Variants in MAPKAPK3 observed in about 807,000 individuals in gnomAD.
MAPKAPK3 encodes the protein MAP kinase-activated protein kinase 3.
A neutral mutation model predicts 49.2 loss-of-function variants in MAPKAPK3; 35 were observed. The observed-to-expected ratio is 0.71, with a 90% confidence interval of 0.54 to 0.94. The LOEUF (loss-of-function observed/expected upper bound fraction) is 0.94. Among genes scored for constraint, MAPKAPK3 ranks in the 40% least tolerant of loss-of-function variants. The pLI, the probability that MAPKAPK3 is intolerant of heterozygous loss-of-function variation, is 0.00. For missense variants in MAPKAPK3, 398 were observed against 493.1 expected, an observed-to-expected ratio of 0.81 and a Z score of 1.83; for synonymous variants, 178 against 188.7, an observed-to-expected ratio of 0.94 and a Z score of 0.46.
chr3:50,630,985 C>T (rs2032891117), intron 2 of MAPKAPK3, among the ~76,000 whole-genome samples: 1 of 152,212 alleles, frequency 6.6e-6, no homozygotes, highest in South Asian at 2.1e-4. Context: ...CCCTCAGCAC[C>T]TACCTGGGGC....
intron 2 of MAPKAPK3, among the ~76,000 whole-genome samples, chr3:50,624,492 C>T (rs185333752): frequency 1.3e-5 from 2 of 152,152 alleles, no homozygotes; most frequent in East Asian, 1.9e-4. Flanking sequence ...GAGGAAGAGG[C>T]GTTTGTGTAG....
chr3:50,614,720 G>T, upstream of MAPKAPK3, among the ~76,000 whole-genome samples: 1 of 152,126 alleles, frequency 6.6e-6, no homozygotes, highest in East Asian at 1.9e-4. Context: ...GTGGTTGCTG[G>T]AACATGAGCA....
At chr3:50,622,824 T>A (rs1433176845) in intron 2 of MAPKAPK3, among the ~76,000 whole-genome samples, 1 of 152,246 alleles carries the variant, frequency 6.6e-6, no homozygotes. Flanking sequence ...CCCTGCCTGC[T>A]GTCCAGGCTG....
intron 5 of MAPKAPK3, among the ~76,000 whole-genome samples, chr3:50,642,834 T>G (rs1304213957): frequency 4.6e-5 from 7 of 152,080 alleles, no homozygotes; most frequent in South Asian, 2.1e-4. Context: ...ATGCTGTTGG[T>G]TTTTTTTGTT....
rs947265432 is a variant in MAPKAPK3, at chr3:50,647,294, T to C, written c.996+91T>C. The C allele has an allele frequency of 2.2e-5, 24 of 1,067,496 alleles. No homozygotes were observed. The Admixed American group carries it at 5.0e-4, about 22-fold the overall frequency. The allele number at this position is 1,067,496 out of a possible 1,614,324, so 66.1% of individuals were successfully genotyped here. A position where few individuals can be genotyped will look rare whatever the true frequency, so the allele number is the denominator to read the frequency against. On this transcript the variant is annotated intron_variant, in intron 10 of 10. Transcript: ENST00000621469. ...GTGGCTACCCAGGGTCTGGGGTCTT[T>C]GGCCCCTTTCTATACCTGGAGCACA...
At chr3:50,628,315 G>A (rs1336851489) in intron 2 of MAPKAPK3, among the ~76,000 whole-genome samples, 1 of 152,164 alleles carries the variant, frequency 6.6e-6, no homozygotes, top group Non-Finnish European at 1.5e-5. Context: ...AGCTATGTGG[G>A]CATCACTGCC....
intron 4 of MAPKAPK3, 84 bp from the exon 5 acceptor site, chr3:50,642,169 T>C: frequency 2.2e-6 from 2 of 901,768 alleles, no homozygotes; most frequent in South Asian, 1.3e-5. Flanking sequence ...TGCTGGCCTG[T>C]TAGACTGTGT....
At chr3:50,620,771 C>T (rs1413931320) in intron 2 of MAPKAPK3, among the ~76,000 whole-genome samples, 3 of 152,228 alleles carry the variant, frequency 2.0e-5, no homozygotes, top group Non-Finnish European at 4.4e-5. Flanking sequence ...GTACCCCAAG[C>T]CCTCATTGCT....
At chr3:50,636,304 G>A (rs908588550) in intron 2 of MAPKAPK3, among the ~76,000 whole-genome samples, 4 of 152,198 alleles carry the variant, frequency 2.6e-5, no homozygotes, top group African/African-American at 9.7e-5. Flanking sequence ...CCCTCTCTGT[G>A]CCTCAATTTC....
chr3:50,611,570 G>A, upstream of MAPKAPK3: 1 of 1,525,876 alleles, frequency 6.6e-7, no homozygotes, highest in Non-Finnish European at 8.8e-7. Flanking sequence ...CTAGCACGAA[G>A]CCCCTGTTCT....
Position 50,648,125 on chromosome 3 carries a change from C to T in MAPKAPK3, c.*79C>T. 1 of 1,405,412 alleles carries T rather than the reference C, an allele frequency of 7.1e-7. No individual in the cohort carries two copies. The highest frequency in any genetic ancestry group is 9.7e-7 in the Non-Finnish European group (1 of 1,034,308). The allele number at this position is 1,405,412 out of a possible 1,614,324, so 87.1% of individuals were successfully genotyped here. ...GTGCTCAGGCCCTGGCCAGGAGGGC[C>T]CAGGGTCATTCTTTTAACAAAAGGA... On this transcript the variant is annotated 3_prime_UTR_variant, in exon 11 of 11. Transcript: ENST00000621469.
chr3:50,618,969 G>A (rs1456070986), intron 2 of MAPKAPK3, among the ~76,000 whole-genome samples: 6 of 152,170 alleles, frequency 3.9e-5, no homozygotes, highest in Admixed American at 2.6e-4. Context: ...GATTACAGGC[G>A]TGAGCCACCG....
At chr3:50,639,875 G>A (rs1232804365) in intron 2 of MAPKAPK3, among the ~76,000 whole-genome samples, 1 of 152,110 alleles carries the variant, frequency 6.6e-6, no homozygotes, top group African/African-American at 2.4e-5. Flanking sequence ...GAATCACAAG[G>A]GAGGCACCAA....
chr3:50,645,593 G>C, intron 6 of MAPKAPK3, 117 bp from the exon 7 acceptor site: 1 of 729,338 alleles, frequency 1.4e-6, no homozygotes, highest in Admixed American at 2.3e-5. Flanking sequence ...ACGCCAGTCT[G>C]CTCTGCCCTA....
rs2033191715 is a variant in MAPKAPK3 at position 50,642,256 on chromosome 3, C to A, written c.428C>A (p.Ala143Asp). ...CCCTCCTCCTCTGTTTCTGCAGAAG[C>A]TGCAGAGATAATGCGGGATATTGGC... ...RGDQAFTERE[A>D]AEIMRDIGTA... The change falls in exon 5 of 11, where the codon GCT (alanine) becomes GAT (aspartate). Residue 143 changes from alanine (A) to aspartate (D), a missense_variant. Around this residue, in one of 5 missense-constraint regions of MAPKAPK3, gnomAD observed 52 missense variants for 91.9 expected, o/e 0.57. Transcript: ENST00000621469. 6.2e-7 allele frequency: 1 copy of A among 1,611,664 alleles called. No individual in the cohort carries two copies. Among genetic ancestry groups the A allele is most frequent in the Non-Finnish European group, 8.5e-7 (1 of 1,178,108 alleles).
At chr3:50,611,534 C>T (rs2032325751), upstream of MAPKAPK3, 1 of 1,515,146 alleles carries the variant, frequency 6.6e-7, no homozygotes, top group Non-Finnish European at 8.8e-7. Context: ...ACCTCTGGCC[C>T]GTCAAGCCCT....
At chr3:50,614,476 G>A (rs184533584), upstream of MAPKAPK3, among the ~76,000 whole-genome samples, 3 of 149,452 alleles carry the variant, frequency 2.0e-5, no homozygotes, top group Admixed American at 1.3e-4. Context: ...ACCATGTACA[G>A]CCTCCCCTCT....
At chr3:50,639,380 G>A (rs1255833531) in intron 2 of MAPKAPK3, among the ~76,000 whole-genome samples, 1 of 152,134 alleles carries the variant, frequency 6.6e-6, no homozygotes, top group Non-Finnish European at 1.5e-5. Flanking sequence ...CTGTAAGCAT[G>A]GAATGAGGGT....
rs753466591 is a variant in MAPKAPK3 at position 50,641,749 on chromosome 3, C to T, written c.402C>T (p.Gly134=). 9.4e-5 allele frequency: 151 copies of T among 1,613,976 alleles called. No individual in the cohort carries two copies. Among genetic ancestry groups the T allele is most frequent in the Middle Eastern group, 3.3e-4 (2 of 6,082 alleles). ...TGTTCAGCAGGATTCAGGAGCGTGG[C>T]GACCAGGCTTTCACTGAGAGAGGTA... The part of the protein sequence containing the change: ...GELFSRIQER[G]DQAFTEREAA... The change falls in exon 4 of 11, where the codon GGC becomes GGT. Residue 134 remains glycine, a synonymous_variant. Transcript: ENST00000621469.
Sources: allele counts gnomAD v4.1 joint callset (sites outside exome capture counted in the v4.1 genomes callset), GRCh38; gene constraint gnomAD v4.1.1; regional missense constraint gnomAD v4.1.1; transcripts MANE v1.5; gene names NCBI Gene and HGNC (gene_info 2026-07-23, HGNC 2026-07-21).